Variants in RIMBP2 observed in about 807,000 individuals in gnomAD.
The protein encoded by RIMBP2 is RIMS-binding protein 2.
RIMBP2 carries 48 observed loss-of-function variants against 118.6 expected under a neutral mutation model. The ratio of observed to expected loss-of-function variants is 0.40; its 90% CI spans 0.32 to 0.51. RIMBP2 has a LOEUF of 0.51. Among genes scored for constraint, RIMBP2 ranks in the 20% least tolerant of loss-of-function variants. The probability of loss-of-function intolerance (pLI) is 0.41; values close to 1 mark genes in which losing one functional copy is unlikely to be tolerated. For synonymous variants in RIMBP2, 762 were observed against 742.9 expected (o/e 1.03, Z -0.42); for missense variants, 1,551 against 1,768.3 (o/e 0.88, Z 2.20).
Position 130,437,404 on chromosome 12 carries a change from C to A in RIMBP2, c.1657-113G>T, listed in dbSNP as rs144593161. On this transcript the variant is annotated intron_variant, in intron 12 of 22. Coordinates refer to ENST00000690449, the MANE Select transcript of RIMBP2 (RefSeq NM_001393629.1). Reference sequence around the variant, plus strand: ...GCCAGGTGCAAAGGATCATGCCCAGCGACCTCCGACTCCAACCACCCGCCA... The same window carrying A: ...GCCAGGTGCAAAGGATCATGCCCAGAGACCTCCGACTCCAACCACCCGCCA... 367 of 852,276 alleles carry A rather than the reference C, an allele frequency of 4.3e-4. 7 individuals are homozygous for A. In the South Asian group the frequency reaches 6.0e-3, roughly 14 times the overall value. 52.8% of individuals were successfully genotyped at this position (852,276 alleles called of 1,614,324 possible).
chr12:130,709,732 C>CG (rs368374442), intron 1 of RIMBP2, among the ~76,000 whole-genome samples: 14 of 151,722 alleles, frequency 9.2e-5, no homozygotes, highest in African/African-American at 2.9e-4. Flanking sequence ...AAACCCCCCC[C>CG]CTTCCCACCC....
At chr12:130,448,062 G>C (rs559784179) in intron 9 of RIMBP2, among the ~76,000 whole-genome samples, 1 of 151,716 alleles carries the variant, frequency 6.6e-6, no homozygotes, top group Non-Finnish European at 1.5e-5. Context: ...CAGCTCTCTC[G>C]GGGACCAGCA....
intron 1 of RIMBP2, among the ~76,000 whole-genome samples, chr12:130,662,811 C>G (rs938042692): frequency 6.6e-6 from 1 of 152,056 alleles, no homozygotes; most frequent in African/African-American, 2.4e-5. Context: ...GAAAAAATAG[C>G]TGGGTGTGGC....
In RIMBP2 at chr12:130,431,322, C is replaced by A; in HGVS notation, c.2254-2985G>T. The A allele has an allele frequency of 3.6e-6, 1 of 281,226 alleles. No homozygotes were observed. Among genetic ancestry groups the A allele is most frequent in the Non-Finnish European group, 7.8e-6 (1 of 127,782 alleles). The allele number at this position is 281,226 out of a possible 1,614,324, so 17.4% of individuals were successfully genotyped here. A position where few individuals can be genotyped will look rare whatever the true frequency, so the allele number is the denominator to read the frequency against. ...GGGGGTAAGGGCTCATGTGACGGGGCGGGCAGCATGGGGAAGCGGATGGTC... is the reference window on the plus strand; with the variant it reads ...GGGGGTAAGGGCTCATGTGACGGGGAGGGCAGCATGGGGAAGCGGATGGTC... On this transcript the variant is annotated intron_variant, in intron 14 of 22. Coordinates refer to ENST00000690449, the MANE Select transcript of RIMBP2 (RefSeq NM_001393629.1). The surrounding 1 kb of genome is among the most constrained non-coding windows in gnomAD (Gnocchi z 4.0).
In RIMBP2 at chr12:130,447,091, G is replaced by GAGGAGC. The variant is rs2078590335; in HGVS notation, c.582-1823_582-1822insGCTCCT. On this transcript the variant is annotated intron_variant, in intron 9 of 22. Transcript: ENST00000690449. This position sits in a 1 kb window ranked among gnomAD's most constrained non-coding sequence, Gnocchi z 4.4. ...GTTCTCGGAGGAGGAGGAGGAGGAG[G>GAGGAGC]AGGGAGCGAGAGGAACAGGAGCCCC... Among the ~76,000 whole-genome samples, 1 of 151,870 alleles carries GAGGAGC rather than the reference G, an allele frequency of 6.6e-6. No individual in the cohort carries two copies. Among genetic ancestry groups the GAGGAGC allele is most frequent in the Non-Finnish European group, 1.5e-5 (1 of 67,962 alleles).
chr12:130,486,995 G>T (rs1477159147), intron 4 of RIMBP2, among the ~76,000 whole-genome samples: 1 of 152,158 alleles, frequency 6.6e-6, no homozygotes, highest in Non-Finnish European at 1.5e-5. Flanking sequence ...GCTGCCAACT[G>T]CACCGGGAAC....
chr12:130,583,734 C>T (rs567556289), intron 2 of RIMBP2, among the ~76,000 whole-genome samples: 186 of 110,882 alleles, frequency 1.7e-3, no homozygotes, highest in Non-Finnish European at 3.0e-3. Context: ...CACCACGACC[C>T]CCATCACCTC....
At position 130,450,002 on chromosome 12, in the gene RIMBP2, A is replaced by T. The variant is rs1389520681; in HGVS notation, c.581+198T>A. ...GCCACCAGGTTTGTGACCTCCTGTCATGGCAGCCCTGGGAGACTTGCGTGC... is the reference window on the plus strand; with the variant it reads ...GCCACCAGGTTTGTGACCTCCTGTCTTGGCAGCCCTGGGAGACTTGCGTGC... On this transcript the variant is annotated intron_variant, in intron 9 of 22. Coordinates refer to ENST00000690449, the MANE Select transcript of RIMBP2 (RefSeq NM_001393629.1). The surrounding 1 kb of genome is among the most constrained non-coding windows in gnomAD (Gnocchi z 4.8). Among the ~76,000 whole-genome samples, 30 of 152,044 alleles carry T rather than the reference A, an allele frequency of 2.0e-4. No homozygotes were observed. The highest frequency in any genetic ancestry group is 2.0e-3 in the Admixed American group (30 of 15,280).
chr12:130,678,667 G>A (rs1485197385), intron 1 of RIMBP2, among the ~76,000 whole-genome samples: 4 of 152,146 alleles, frequency 2.6e-5, no homozygotes, highest in African/African-American at 7.2e-5. Context: ...ACAGGCACGC[G>A]CCACCATGCC....
intron 6 of RIMBP2, among the ~76,000 whole-genome samples, chr12:130,462,846 T>C (rs2080127336): frequency 6.6e-6 from 1 of 152,228 alleles, no homozygotes. Flanking sequence ...GCTTGTCTGA[T>C]GGGAGAATCT....
intron 17 of RIMBP2, among the ~76,000 whole-genome samples, chr12:130,421,724 T>TGTGTGTGTGTGTGTGTGTGTGTG (rs1566004674): frequency 6.6e-6 from 1 of 151,482 alleles, no homozygotes; most frequent in African/African-American, 2.4e-5. Flanking sequence ...TGTGTGTGTG[T>TGTGTGTGTGTGTGTGTGTGTGTG]TTTCATAGAA....
rs2061290796 is a variant in RIMBP2 at position 130,621,224 on chromosome 12, G to A, written c.-217+7098C>T. Among the ~76,000 whole-genome samples the A allele has an allele frequency of 6.6e-6, 1 of 152,154 alleles. No individual in the cohort carries two copies. Among genetic ancestry groups the A allele is most frequent in the African/African-American group, 2.4e-5 (1 of 41,436 alleles). On this transcript the variant is annotated intron_variant, in intron 2 of 22. Coordinates refer to ENST00000690449, the MANE Select transcript of RIMBP2 (RefSeq NM_001393629.1). The surrounding 1 kb of genome is among the most constrained non-coding windows in gnomAD (Gnocchi z 6.6). ...CTGAAAGGTGAGGGTTAGGGTGATG[G>A]ACTCCAGGTGGATCCTCCCCATGAG...
Position 130,448,745 on chromosome 12 carries a change from G to A in RIMBP2, c.581+1455C>T, listed in dbSNP as rs142544421. Among the ~76,000 whole-genome samples the A allele has an allele frequency of 3.1e-3, 467 of 152,360 alleles. 2 individuals are homozygous for A. The highest frequency in any genetic ancestry group is 0.011 in the African/African-American group (457 of 41,588). ...GGATGGTGGGCCTGCCCCCACCTGG[G>A]TGCAGCCAGCATTCACATCTGCCTG... On this transcript the variant is annotated intron_variant, in intron 9 of 22. Coordinates refer to ENST00000690449, the MANE Select transcript of RIMBP2 (RefSeq NM_001393629.1).
intron 1 of RIMBP2, among the ~76,000 whole-genome samples, chr12:130,690,485 T>C (rs2065262479): frequency 1.3e-5 from 2 of 152,314 alleles, no homozygotes; most frequent in South Asian, 4.1e-4. Context: ...CACAGACTCT[T>C]TGGCAACATG....
rs1217403281 is a variant in RIMBP2 at position 130,471,716 on chromosome 12, T to C, written c.103-973A>G. 2.0e-5 allele frequency: 3 copies of C among 152,390 alleles called. No individual in the cohort carries two copies. In the East Asian group the frequency reaches 5.8e-4, roughly 29 times the overall value. 9.4% of individuals were successfully genotyped at this position (152,390 alleles called of 1,614,324 possible). ...CTTCTGTGAGCGCCATCCCCCCAGA[T>C]GCTCCTGCTGCTCCTGCTGCAGGGC... On this transcript the variant is annotated intron_variant, in intron 5 of 22. Coordinates refer to ENST00000690449, the MANE Select transcript of RIMBP2 (RefSeq NM_001393629.1).
At chr12:130,659,462 C>T (rs982840559) in intron 1 of RIMBP2, among the ~76,000 whole-genome samples, 1 of 150,808 alleles carries the variant, frequency 6.6e-6, no homozygotes, top group African/African-American at 2.4e-5. Flanking sequence ...CCCAGCTACT[C>T]GGAGGCTGAG....
chr12:130,648,342 T>A lies in RIMBP2; in HGVS notation c.-351-19886A>T, dbSNP rs188447065. 1.4e-4 allele frequency among the ~76,000 whole-genome samples: 21 copies of A among 145,694 alleles called. 1 individual carries two copies. The highest frequency in any genetic ancestry group is 9.7e-4 in the Admixed American group (14 of 14,462). ...CACCTTCATAAATTTATTTAAAGGA[T>A]CATAATGGACAGGACTGAATCATCT... On this transcript the variant is annotated intron_variant, in intron 1 of 22. Transcript: ENST00000690449.
chr12:130,646,190 ACCACTTCCCTCT>A lies in RIMBP2; in HGVS notation c.-351-17746_-351-17735del, dbSNP rs1289234226. On this transcript the variant is annotated intron_variant, in intron 1 of 22. Coordinates refer to ENST00000690449, the MANE Select transcript of RIMBP2 (RefSeq NM_001393629.1). ...CACCACCTGCCTCTCCACCTCCCTC[ACCACTTCCCTCT>A]CCACCTCCCTCTCCACCTCCCTCAC... is the stretch of plus-strand genomic sequence containing the variant. 9.5e-4 allele frequency among the ~76,000 whole-genome samples: 30 copies of A among 31,448 alleles called. 3 individuals carry two copies. The highest frequency in any genetic ancestry group is 2.9e-3 in the African/African-American group (24 of 8,210). The allele number at this position is 31,448 out of a possible 152,430, so 20.6% of individuals were successfully genotyped here.
At chr12:130,693,397 G>C (rs1260572986) in intron 1 of RIMBP2, among the ~76,000 whole-genome samples, 6 of 134,054 alleles carry the variant, frequency 4.5e-5, no homozygotes, top group South Asian at 2.1e-4. Context: ...TGCCTGTGAT[G>C]GGGGGTCGCC....
Sources: allele counts gnomAD v4.1 joint callset (sites outside exome capture counted in the v4.1 genomes callset), GRCh38; gene constraint gnomAD v4.1.1; non-coding constraint Gnocchi (gnomAD v3.1); transcripts MANE v1.5; gene names NCBI Gene and HGNC (gene_info 2026-07-23, HGNC 2026-07-21).